Variants in BLTP3B observed in about 807,000 individuals in gnomAD.
The protein encoded by BLTP3B is bridge-like lipid transfer protein family member 3B, also known as UHRF1 (ICBP90) binding protein 1-like.
the BLTP3B span, among the ~76,000 whole-genome samples, chr12:100,107,432 G>A: frequency 3.3e-5 from 5 of 151,386 alleles, no homozygotes; most frequent in African/African-American, 1.2e-4. Flanking sequence ...TGAGGAGATT[G>A]AGACCATCTC....
At chr12:100,055,162 C>G in the BLTP3B span, among the ~76,000 whole-genome samples, 2 of 151,868 alleles carry the variant, frequency 1.3e-5, no homozygotes, top group South Asian at 4.2e-4. Context: ...GTGTTTGTGT[C>G]AGATAGAAGA....
At chr12:100,059,479 T>C in the BLTP3B span, 74 of 1,612,198 alleles carry the variant, frequency 4.6e-5, no homozygotes, top group East Asian at 1.2e-3. Flanking sequence ...TGAATAGAAA[T>C]TGCACGTGGC....
At chr12:100,136,780 A>G in the BLTP3B span, among the ~76,000 whole-genome samples, 568 of 151,934 alleles carry the variant, frequency 3.7e-3, 5 homozygotes, top group African/African-American at 0.013. Context: ...TTCTATGGCC[A>G]TATCAGATAG....
At chr12:100,086,893 G>C in the BLTP3B span, among the ~76,000 whole-genome samples, 1 of 152,158 alleles carries the variant, frequency 6.6e-6, no homozygotes, top group African/African-American at 2.4e-5. Context: ...GGGCGCGGTG[G>C]CTCACGCCTG....
the BLTP3B span, among the ~76,000 whole-genome samples, chr12:100,123,107 T>C: frequency 3.9e-5 from 6 of 152,280 alleles, no homozygotes; most frequent in East Asian, 9.7e-4. Flanking sequence ...TCTCCCCAAC[T>C]AGAAGATCAG....
the BLTP3B span, among the ~76,000 whole-genome samples, chr12:100,107,549 C>G: frequency 6.7e-6 from 1 of 150,352 alleles, no homozygotes; most frequent in Non-Finnish European, 1.5e-5. Flanking sequence ...GCAGGGGAAT[C>G]GCTTGAACCC....
At chr12:100,098,912 A>C in the BLTP3B span, among the ~76,000 whole-genome samples, 5 of 142,988 alleles carry the variant, frequency 3.5e-5, no homozygotes, top group African/African-American at 1.5e-4. Context: ...CTGTCTAAAA[A>C]TATAGACAGA....
At chr12:100,052,938 C>T in the BLTP3B span, among the ~76,000 whole-genome samples, 14 of 151,470 alleles carry the variant, frequency 9.2e-5, 1 homozygote, top group South Asian at 1.3e-3. Flanking sequence ...GGACTACAGG[C>T]GTGTGCCACT....
At chr12:100,078,803 A>T in the BLTP3B span, among the ~76,000 whole-genome samples, 1 of 152,184 alleles carries the variant, frequency 6.6e-6, no homozygotes, top group Non-Finnish European at 1.5e-5. Context: ...TGTCCCCACC[A>T]AAATCTCATC....
chr12:100,082,964 G>T, the BLTP3B span: 2 of 1,329,876 alleles, frequency 1.5e-6, no homozygotes. Context: ...AAGTTGCTTA[G>T]ATGAGATACT....
At chr12:100,123,987 GGCAT>G in the BLTP3B span, among the ~76,000 whole-genome samples, 1 of 152,290 alleles carries the variant, frequency 6.6e-6, no homozygotes, top group Non-Finnish European at 1.5e-5. Context: ...AAATAGGATA[GGCAT>G]TGTGGCTCAT....
chr12:100,052,115 A>C, the BLTP3B span, among the ~76,000 whole-genome samples: 1 of 149,574 alleles, frequency 6.7e-6, no homozygotes, highest in African/African-American at 2.5e-5. Context: ...CCCAGGCTGG[A>C]GTGTAGTGGT....
At chr12:100,108,243 T>A in the BLTP3B span, 1 of 875,380 alleles carries the variant, frequency 1.1e-6, no homozygotes, top group Non-Finnish European at 1.7e-6. Flanking sequence ...TATGCAAAGG[T>A]ATCTTTCTTT....
the BLTP3B span, among the ~76,000 whole-genome samples, chr12:100,052,362 T>A: frequency 4.2e-4 from 64 of 152,024 alleles, no homozygotes; most frequent in African/African-American, 1.5e-3. Context: ...CAAATTTTTT[T>A]AAAATTTACA....
chr12:100,128,774 G>A, the BLTP3B span: 1 of 1,231,528 alleles, frequency 8.1e-7, no homozygotes, highest in Non-Finnish European at 1.0e-6. Context: ...AAGTTTAAGG[G>A]AAGGAAGAGG....
At chr12:100,071,419 C>G in the BLTP3B span, among the ~76,000 whole-genome samples, 3 of 149,472 alleles carry the variant, frequency 2.0e-5, no homozygotes, top group Non-Finnish European at 4.4e-5. Flanking sequence ...ATTGTTTGGG[C>G]CCGGGAGGCA....
the BLTP3B span, among the ~76,000 whole-genome samples, chr12:100,053,639 T>A: frequency 6.6e-6 from 1 of 152,244 alleles, no homozygotes; most frequent in Non-Finnish European, 1.5e-5. Flanking sequence ...CACACACGTA[T>A]ATAAAAATAC....
chr12:100,075,015 C>CTT, the BLTP3B span, among the ~76,000 whole-genome samples: 12 of 140,166 alleles, frequency 8.6e-5, no homozygotes, highest in Non-Finnish European at 1.4e-4. Flanking sequence ...CTACACCTTC[C>CTT]TTTTTTTTTT....
At chr12:100,135,061 G>C in the BLTP3B span, among the ~76,000 whole-genome samples, 1 of 152,144 alleles carries the variant, frequency 6.6e-6, no homozygotes, top group Non-Finnish European at 1.5e-5. Context: ...TCCAATCTCA[G>C]AGTAAAAGTC....
Sources: allele counts gnomAD v4.1 joint callset (sites outside exome capture counted in the v4.1 genomes callset), GRCh38; gene constraint gnomAD v4.1.1; transcripts MANE v1.5; gene names NCBI Gene and HGNC (gene_info 2026-07-23, HGNC 2026-07-21).